Variants in MED30 observed in about 807,000 individuals in gnomAD.
The protein encoded by MED30 is mediator complex subunit 30.
MED30 carries 8 observed loss-of-function variants against 21.7 expected under a neutral mutation model. The observed-to-expected ratio is 0.37, with a 90% CI of 0.22 to 0.67. The LOEUF (loss-of-function observed/expected upper bound fraction) is 0.67. Among genes scored for constraint, MED30 ranks in the 30% least tolerant of loss-of-function variants. MED30 has a pLI of 0.58. For synonymous variants in MED30, 79 were observed against 86.7 expected, an observed-to-expected ratio of 0.91 and a Z score of 0.49; for missense variants, 203 against 228.2, an observed-to-expected ratio of 0.89 and a Z score of 0.71.
chr8:117,530,939 T>C (rs1406397471), intron 3 of MED30, 112 bp downstream of exon 3: 5 of 766,508 alleles, frequency 6.5e-6, no homozygotes, highest in Non-Finnish European at 1.1e-5. Flanking sequence ...TGAAGTTGTT[T>C]CTGCGGCAAA....
At chr8:117,535,566 C>T (rs114146986) in intron 3 of MED30, among the ~76,000 whole-genome samples, 1,593 of 151,868 alleles carry the variant, frequency 0.01, 33 homozygotes, top group African/African-American at 0.037. Context: ...CACACACACC[C>T]GAGGGTGTTT....
intron 3 of MED30, among the ~76,000 whole-genome samples, chr8:117,535,333 A>T (rs1818857686): frequency 6.6e-6 from 1 of 150,628 alleles, no homozygotes. Flanking sequence ...GGTTCAAGCA[A>T]TTCTCCTGCC....
chr8:117,523,209 AG>A (rs200658839), intron 1 of MED30: 2 of 744,862 alleles, frequency 2.7e-6, no homozygotes, highest in Non-Finnish European at 4.4e-6. Flanking sequence ...TTTTTTTTTA[AG>A]TTTTTTTTTT....
intron 2 of MED30, among the ~76,000 whole-genome samples, chr8:117,529,543 T>G (rs1406881748): frequency 6.6e-6 from 1 of 151,936 alleles, no homozygotes; most frequent in Non-Finnish European, 1.5e-5. Flanking sequence ...TATATTTGAG[T>G]AGAGCTTCAG....
At chr8:117,532,629 C>A (rs1413347873) in intron 3 of MED30, among the ~76,000 whole-genome samples, 1 of 151,682 alleles carries the variant, frequency 6.6e-6, no homozygotes, top group African/African-American at 2.4e-5. Context: ...ATAAGACCTG[C>A]AAAACAAAAT....
At chr8:117,529,107 CAG>C (rs1284678497) in intron 2 of MED30, among the ~76,000 whole-genome samples, 1 of 151,614 alleles carries the variant, frequency 6.6e-6, no homozygotes, top group Non-Finnish European at 1.5e-5. Flanking sequence ...TTAATTAAGT[CAG>C]GGATATTTTT....
At chr8:117,532,783 A>ACAAT (rs1292305147) in intron 3 of MED30, among the ~76,000 whole-genome samples, 3 of 152,084 alleles carry the variant, frequency 2.0e-5, no homozygotes, top group Non-Finnish European at 4.4e-5. Context: ...GTAATACATG[A>ACAAT]CAATCATAAT....
At chr8:117,534,475 T>C (rs1818838024) in intron 3 of MED30, among the ~76,000 whole-genome samples, 1 of 152,222 alleles carries the variant, frequency 6.6e-6, no homozygotes, top group Admixed American at 6.5e-5. Flanking sequence ...CTGTTCTAAG[T>C]GCTTTTAACT....
intron 3 of MED30, among the ~76,000 whole-genome samples, chr8:117,537,032 C>A (rs1327772223): frequency 6.6e-6 from 1 of 152,226 alleles, no homozygotes; most frequent in Non-Finnish European, 1.5e-5. Flanking sequence ...GTTGGACAAG[C>A]TTGCTTTGGG....
chr8:117,520,818 C>G lies in MED30; in HGVS notation c.-59C>G. ...CTGAGGCCCCACAGCCTCCCAATTC[C>G]GGGCAGACCCCTGACACCTGCTGTC... On this transcript the variant is annotated 5_prime_UTR_variant, in exon 1 of 4. Coordinates refer to ENST00000297347, the MANE Select transcript of MED30 (RefSeq NM_080651.4). 6.8e-7 allele frequency: 1 copy of G among 1,467,356 alleles called. No individual in the cohort carries two copies. The highest frequency in any genetic ancestry group is 9.1e-7 in the Non-Finnish European group (1 of 1,102,050). 90.9% of individuals were successfully genotyped at this position (1,467,356 alleles called of 1,614,324 possible).
chr8:117,521,025 A>G lies in MED30; in HGVS notation c.149A>G (p.Glu50Gly). 1 of 1,593,276 alleles carries G rather than the reference A, an allele frequency of 6.3e-7. No individual in the cohort carries two copies. ...TVQDIVYRTM[E>G]IFQLLRNMQL... ...CAGGACATCGTGTACCGCACCATGG[A>G]GATCTTCCAGCTCCTGAGGAACATG... Residue 50 changes from glutamate (E) to glycine (G), a missense_variant, in exon 1 of 4, where the codon GAG (glutamate) becomes GGG (glycine). Physicochemically the swap from Glu to Gly is moderately conservative, Grantham distance 98. Coordinates refer to ENST00000297347, the MANE Select transcript of MED30 (RefSeq NM_080651.4).
chr8:117,522,651 C>A, intron 1 of MED30, among the ~76,000 whole-genome samples: 1 of 148,562 alleles, frequency 6.7e-6, no homozygotes, highest in Non-Finnish European at 1.5e-5. Context: ...TTTTTTTTAA[C>A]TGGTCAAGAC....
At chr8:117,536,230 C>T (rs921089256) in intron 3 of MED30, among the ~76,000 whole-genome samples, 8 of 152,108 alleles carry the variant, frequency 5.3e-5, no homozygotes, top group African/African-American at 1.9e-4. Context: ...AAAGCAGCAC[C>T]TGTTTCATGT....
Position 117,521,065 on chromosome 8 carries a change from G to A in MED30, c.177+12G>A. On this transcript the variant is annotated intron_variant, in intron 1 of 3. Coordinates refer to ENST00000297347, the MANE Select transcript of MED30 (RefSeq NM_080651.4). The stretch of plus-strand genomic sequence containing the variant: ...TGAGGAACATGCAGGTAGGAAGGCG[G>A]GCGCGCGAGGCCAGGGGGATGCAGC... 1.3e-6 allele frequency: 2 copies of A among 1,575,176 alleles called. No individual in the cohort carries two copies. The highest frequency in any genetic ancestry group is 1.7e-6 in the Non-Finnish European group (2 of 1,155,960).
chr8:117,523,720 G>C lies in MED30; in HGVS notation c.177+2667G>C, dbSNP rs550991136. 3 of 1,503,410 alleles carry C rather than the reference G, an allele frequency of 2.0e-6. No individual in the cohort carries two copies. In the South Asian group the frequency reaches 3.5e-5, roughly 17 times the overall value. 93.1% of individuals were successfully genotyped at this position (1,503,410 alleles called of 1,614,324 possible). A position where few individuals can be genotyped will look rare whatever the true frequency, so the allele number is the denominator to read the frequency against. On this transcript the variant is annotated intron_variant, in intron 1 of 3. Coordinates refer to ENST00000297347, the MANE Select transcript of MED30 (RefSeq NM_080651.4). The stretch of plus-strand genomic sequence containing the variant: ...ACCATGATTCCCTCCTTAAAAAGGA[G>C]TTCATAGGCTAGGCGCGGTGGCTCA...
In MED30 at chr8:117,540,108, A is replaced by C. The variant is rs1159564750; in HGVS notation, c.*130A>C. The C allele has an allele frequency of 2.1e-6, 1 of 471,692 alleles. No homozygotes were observed. Among genetic ancestry groups the C allele is most frequent in the African/African-American group, 2.1e-5 (1 of 48,600 alleles). The allele number at this position is 471,692 out of a possible 1,614,324, so 29.2% of individuals were successfully genotyped here. A position where few individuals can be genotyped will look rare whatever the true frequency, so the allele number is the denominator to read the frequency against. On this transcript the variant is annotated 3_prime_UTR_variant, in exon 4 of 4. Coordinates refer to ENST00000297347, the MANE Select transcript of MED30 (RefSeq NM_080651.4). ...CTAAAACTAAAGTTTTTATTTTTAC[A>C]TTGTGATTTTTACATTAAAATATTA...
At position 117,540,001 on chromosome 8, in the gene MED30, T is replaced by C. The variant is rs944128629; in HGVS notation, c.*23T>C. On this transcript the variant is annotated 3_prime_UTR_variant, in exon 4 of 4. Transcript: ENST00000297347. Reference sequence around the variant, plus strand: ...TAAGCTGATATTTAAATTTCCTGCTTTACACATGTTATACCATTGTTTTTT... The same window carrying C: ...TAAGCTGATATTTAAATTTCCTGCTCTACACATGTTATACCATTGTTTTTT... 5 of 1,375,378 alleles carry C rather than the reference T, an allele frequency of 3.6e-6. No homozygotes were observed. The highest frequency in any genetic ancestry group is 2.9e-5 in the African/African-American group (2 of 69,244). 85.2% of individuals were successfully genotyped at this position (1,375,378 alleles called of 1,614,324 possible).
intron 3 of MED30, among the ~76,000 whole-genome samples, chr8:117,532,715 G>A (rs55695963): frequency 0.016 from 2,492 of 152,124 alleles, 60 homozygotes; most frequent in African/African-American, 0.054. Context: ...ATAAAATTTT[G>A]TAACTTTTTT....
At position 117,520,919 on chromosome 8, in the gene MED30, C is replaced by T. The variant is rs1818601318; in HGVS notation, c.43C>T (p.Pro15Ser). Residue 15 changes from proline (P) to serine (S), a missense_variant, in exon 1 of 4, where the codon CCC (proline) becomes TCC (serine). Pro to Ser is a moderately conservative substitution (Grantham distance 74). Coordinates refer to ENST00000297347, the MANE Select transcript of MED30 (RefSeq NM_080651.4). Reference sequence around the variant, plus strand: ...GGCCGCGTCGGGGATGGCGCCCGGGCCCTTCGCCGGGCCCCAGGCTCAGCA... The same window carrying T: ...GGCCGCGTCGGGGATGGCGCCCGGGTCCTTCGCCGGGCCCCAGGCTCAGCA... Reference protein sequence around the residue: ...PLAASGMAPGPFAGPQAQQAA... With the variant: ...PLAASGMAPGSFAGPQAQQAA... The T allele has an allele frequency of 6.2e-7, 1 of 1,609,758 alleles. No individual in the cohort carries two copies. The highest frequency in any genetic ancestry group is 8.5e-7 in the Non-Finnish European group (1 of 1,178,368).
Sources: allele counts gnomAD v4.1 joint callset (sites outside exome capture counted in the v4.1 genomes callset), GRCh38; gene constraint gnomAD v4.1.1; transcripts MANE v1.5; gene names NCBI Gene and HGNC (gene_info 2026-07-23, HGNC 2026-07-21).